The following PIK3CA variants were observed in gnomAD, a reference collection of about 807,000 sequenced individuals.
PIK3CA encodes the protein phosphatidylinositol-4,5-bisphosphate 3-kinase catalytic subunit alpha.
A neutral mutation model predicts 138.2 loss-of-function variants in PIK3CA; 27 were observed. The observed-to-expected ratio is 0.20, with a 90% CI of 0.14 to 0.27. PIK3CA has a LOEUF of 0.27. Among genes scored for constraint, PIK3CA ranks in the 10% least tolerant of loss-of-function variants. PIK3CA has a pLI of 1.00. For missense variants in PIK3CA, 544 were observed against 1,277.4 expected (o/e 0.43, Z 8.75); for synonymous variants, 358 against 413.2 (o/e 0.87, Z 1.62).
intron 14 of PIK3CA, among the ~76,000 whole-genome samples, chr3:179,223,259 ATTAAT>A (rs1725008524): frequency 6.6e-6 from 1 of 152,188 alleles, no homozygotes; most frequent in African/African-American, 2.4e-5. Flanking sequence ...CAGCATGAAA[ATTAAT>A]TTATTATAAT....
chr3:179,234,131 C>T lies in PIK3CA; in HGVS notation c.2974C>T (p.Arg992Ter), dbSNP rs2108429089. ...EMCYKAYLAI[R>*]QHANLFINLF... ...GTGTTACAAGGCTTATCTAGCTATT[C>T]GACAGCATGCCAATCTCTTCATAAA... is the stretch of plus-strand genomic sequence containing the variant. The change falls in exon 21 of 21, where the codon CGA becomes TGA. Residue 992 changes from arginine to a stop codon, truncating the protein, a stop_gained. Transcript: ENST00000263967. LOFTEE classifies it high-confidence loss of function. The surrounding 1 kb of genome is among the most constrained non-coding windows in gnomAD (Gnocchi z 5.1). The T allele has an allele frequency of 1.2e-6, 2 of 1,612,294 alleles. No individual in the cohort carries two copies. Among genetic ancestry groups the T allele is most frequent in the Non-Finnish European group, 1.7e-6 (2 of 1,178,560 alleles).
chr3:179,160,615 A>G (rs1723252595), intron 1 of PIK3CA, among the ~76,000 whole-genome samples: 1 of 152,188 alleles, frequency 6.6e-6, no homozygotes, highest in South Asian at 2.1e-4. Context: ...TGATATACAC[A>G]CGTGTGCACC....
chr3:179,200,201 T>C (rs1224552294), intron 3 of PIK3CA, among the ~76,000 whole-genome samples: 2 of 152,030 alleles, frequency 1.3e-5, no homozygotes, highest in Non-Finnish European at 2.9e-5. Flanking sequence ...TGATTATCTT[T>C]TCATAAATAA....
In PIK3CA at chr3:179,205,235, T is replaced by C. The variant is rs1341756740; in HGVS notation, c.1145+647T>C. ...TATATATATATTTTACATCATTAGC[T>C]TTATACAAGCTATATATTAATAAAT... On this transcript the variant is annotated intron_variant, in intron 6 of 20. Transcript: ENST00000263967. 2.0e-5 allele frequency among the ~76,000 whole-genome samples: 3 copies of C among 152,044 alleles called. No homozygotes were observed. In the East Asian group the frequency reaches 5.8e-4, roughly 29 times the overall value.
At chr3:179,167,599 T>C (rs1013186385) in intron 1 of PIK3CA, among the ~76,000 whole-genome samples, 2 of 152,132 alleles carry the variant, frequency 1.3e-5, no homozygotes, top group Admixed American at 1.3e-4. Context: ...TCCTCTTTCT[T>C]TTTAACTATA....
At chr3:179,174,363 G>A (rs1468469107) in intron 1 of PIK3CA, among the ~76,000 whole-genome samples, 1 of 150,414 alleles carries the variant, frequency 6.6e-6, no homozygotes, top group Non-Finnish European at 1.5e-5. Flanking sequence ...CCCAGCTCTC[G>A]GGAGGCTAAG....
At chr3:179,226,089 G>A in intron 17 of PIK3CA, 49 bp downstream of exon 17, 1 of 997,226 alleles carries the variant, frequency 1.0e-6, no homozygotes, top group East Asian at 2.4e-5. Flanking sequence ...TCCTGAAAAA[G>A]TGAACTATTA....
chr3:179,228,594 A>G (rs1473796556), intron 17 of PIK3CA, among the ~76,000 whole-genome samples: 1 of 152,080 alleles, frequency 6.6e-6, no homozygotes, highest in Non-Finnish European at 1.5e-5. Context: ...TAATTAAAAC[A>G]TTGCATTAGA....
intron 1 of PIK3CA, among the ~76,000 whole-genome samples, chr3:179,193,638 A>G (rs972576202): frequency 3.3e-5 from 5 of 152,264 alleles, no homozygotes; most frequent in African/African-American, 4.8e-5. Flanking sequence ...TGAATTGTGC[A>G]CACGCACACA....
intron 1 of PIK3CA, among the ~76,000 whole-genome samples, chr3:179,186,117 C>A (rs1469490623): frequency 6.6e-6 from 1 of 152,198 alleles, no homozygotes; most frequent in Non-Finnish European, 1.5e-5. Context: ...CACCAGTCAA[C>A]TCATTAGCAT....
In PIK3CA at chr3:179,157,374, G is replaced by A. The variant is rs538167802; in HGVS notation, c.-77+8771G>A. On this transcript the variant is annotated intron_variant, in intron 1 of 20. Transcript: ENST00000263967. The stretch of plus-strand genomic sequence containing the variant: ...CTTTTTCAAAGCAGTTTCTATACTT[G>A]ATAATAACAGTGGTAGTAAAACTCA... Among the ~76,000 whole-genome samples, 64 of 152,122 alleles carry A rather than the reference G, an allele frequency of 4.2e-4. No individual in the cohort carries two copies. In the South Asian group the frequency reaches 0.013, roughly 31 times the overall value.
At chr3:179,156,418 A>G (rs1723141171) in intron 1 of PIK3CA, among the ~76,000 whole-genome samples, 1 of 152,156 alleles carries the variant, frequency 6.6e-6, no homozygotes, top group African/African-American at 2.4e-5. Flanking sequence ...ACTGGCCATC[A>G]TCCTTACTTG....
intron 6 of PIK3CA, 57 bp downstream of exon 6, chr3:179,204,645 A>T: frequency 1.2e-6 from 1 of 806,706 alleles, no homozygotes. Context: ...TAGCAGTATG[A>T]TCCATAAAAG....
At chr3:179,226,850 A>G (rs896104662) in intron 17 of PIK3CA, among the ~76,000 whole-genome samples, 1 of 152,140 alleles carries the variant, frequency 6.6e-6, no homozygotes. Context: ...ATTGTCATCA[A>G]CTTCAAATTT....
At chr3:179,203,432 G>T in intron 4 of PIK3CA, 112 bp from the exon 5 acceptor site, 1 of 981,804 alleles carries the variant, frequency 1.0e-6, no homozygotes, top group East Asian at 2.5e-5. Flanking sequence ...GGTCTATAAT[G>T]TTTAATTTTT....
chr3:179,152,963 C>T (rs1723049089), intron 1 of PIK3CA, among the ~76,000 whole-genome samples: 1 of 152,100 alleles, frequency 6.6e-6, no homozygotes, highest in Admixed American at 6.5e-5. Context: ...GATGAACTTA[C>T]ACTGTCTCCA....
intron 1 of PIK3CA, among the ~76,000 whole-genome samples, chr3:179,196,218 C>CAT (rs1216202179): frequency 6.6e-6 from 1 of 152,110 alleles, no homozygotes; most frequent in Non-Finnish European, 1.5e-5. Flanking sequence ...CTGGTAGTTC[C>CAT]ATAATAGAGA....
rs746813373 is a variant in PIK3CA at position 179,210,398 on chromosome 3, T to G, written c.1405-33T>G. 3 of 1,600,188 alleles carry G rather than the reference T, an allele frequency of 1.9e-6. No individual in the cohort carries two copies. The South Asian group carries it at 3.4e-5, about 18-fold the overall frequency. On this transcript the variant is annotated intron_variant, in intron 8 of 20. Coordinates refer to ENST00000263967, the MANE Select transcript of PIK3CA (RefSeq NM_006218.4). ...TATGGCAGTCAAACCTTCTCTCTTA[T>G]GTATATATAATAGCTTTTCTTCCAT...
At position 179,234,245 on chromosome 3, in the gene PIK3CA, A is replaced by G; in HGVS notation, c.3088A>G (p.Lys1030Glu). The G allele has an allele frequency of 6.2e-7, 1 of 1,613,744 alleles. No individual in the cohort carries two copies. The highest frequency in any genetic ancestry group is 8.5e-7 in the Non-Finnish European group (1 of 1,179,748). The change falls in exon 21 of 21, where the codon AAA becomes GAA. Residue 1030 changes from lysine (K) to glutamate (E), a missense_variant. Physicochemically the swap from Lys to Glu is moderately conservative, Grantham distance 56. Transcript: ENST00000263967. This position sits in a 1 kb window ranked among gnomAD's most constrained non-coding sequence, Gnocchi z 5.1. ...AYIRKTLALD[K>E]TEQEALEYFM... ...CATTCGAAAGACCCTAGCCTTAGAT[A>G]AAACTGAGCAAGAGGCTTTGGAGTA...
Sources: gnomAD v4.1 joint callset for allele counts (sites outside exome capture counted in the v4.1 genomes callset) on GRCh38, gnomAD v4.1.1 for gene constraint, Gnocchi (gnomAD v3.1) non-coding constraint, MANE v1.5 for transcripts, NCBI Gene and HGNC (gene_info 2026-07-23, HGNC 2026-07-21) for gene names.